The following SPIRE1 variants were observed in gnomAD, a reference collection of about 807,000 sequenced individuals.
SPIRE1 encodes protein spire homolog 1.
A neutral mutation model predicts 94.1 loss-of-function variants in SPIRE1; 40 were observed. The ratio of observed to expected loss-of-function variants is 0.43; its 90% CI spans 0.33 to 0.55. The LOEUF (loss-of-function observed/expected upper bound fraction) is 0.55, where lower values mean the gene tolerates loss of function less well. Ranked by LOEUF, SPIRE1 falls within the 20% of genes least tolerant of loss-of-function variation. The pLI is 0.06. For missense variants in SPIRE1, 838 were observed against 975.2 expected (o/e 0.86, Z 1.87); for synonymous variants, 376 against 371.7 (o/e 1.01, Z -0.13).
chr18:12,510,350 G>A lies in SPIRE1; in HGVS notation c.807+2104C>T, dbSNP rs1020649471. ...TATATGTCAAAATTTATCAAGTTAT[G>A]CATTTTAAATATGTGCAGCTTATTG... On this transcript the variant is annotated intron_variant, in intron 5 of 16. Coordinates refer to ENST00000409402, the MANE Select transcript of SPIRE1 (RefSeq NM_001128626.2). 2.6e-5 allele frequency among the ~76,000 whole-genome samples: 4 copies of A among 151,946 alleles called. No homozygotes were observed. The East Asian group carries it at 5.8e-4, about 22-fold the overall frequency.
chr18:12,469,574 T>C (rs1196503587), intron 10 of SPIRE1, among the ~76,000 whole-genome samples: 2 of 145,668 alleles, frequency 1.4e-5, no homozygotes, highest in Admixed American at 7.0e-5. Context: ...AAATTATATA[T>C]ATTATATATA....
rs567665466 is a variant in SPIRE1, at chr18:12,625,377, G to C, written c.372+9685C>G. Among the ~76,000 whole-genome samples, 30 of 152,274 alleles carry C rather than the reference G, an allele frequency of 2.0e-4. No homozygotes were observed. The East Asian group carries it at 5.4e-3, about 27-fold the overall frequency. The stretch of plus-strand genomic sequence containing the variant: ...ACATTCCTCTTAGCCTGCTGACCAA[G>C]GAGAAAATGCTGTTGTTACCAGCAG... On this transcript the variant is annotated intron_variant, in intron 2 of 16. Coordinates refer to ENST00000409402, the MANE Select transcript of SPIRE1 (RefSeq NM_001128626.2).
intron 1 of SPIRE1, among the ~76,000 whole-genome samples, chr18:12,636,581 T>C (rs187114018): frequency 1.3e-5 from 2 of 152,084 alleles, no homozygotes; most frequent in East Asian, 3.9e-4. Context: ...TTAATGATCC[T>C]AATGAGAAAC....
intron 1 of SPIRE1, among the ~76,000 whole-genome samples, chr18:12,646,564 G>A (rs1229024340): frequency 6.6e-6 from 1 of 152,066 alleles, no homozygotes; most frequent in Admixed American, 6.6e-5. Context: ...CCTGGGACCA[G>A]GCAACCTATA....
chr18:12,531,829 A>G (rs56152190), intron 4 of SPIRE1, among the ~76,000 whole-genome samples: 12,521 of 152,238 alleles, frequency 0.082, 761 homozygotes, highest in Non-Finnish European at 0.12. Context: ...ATATAATTTC[A>G]TTTTCTCCAA....
At chr18:12,658,116 G>GCCCCC (rs2038612885), upstream of SPIRE1, 2 of 958,268 alleles carry the variant, frequency 2.1e-6, no homozygotes, top group African/African-American at 3.6e-5. Flanking sequence ...CCGGCGCCCC[G>GCCCCC]CCCCGCCCCG....
intron 1 of SPIRE1, among the ~76,000 whole-genome samples, chr18:12,652,653 G>GT (rs1270536058): frequency 6.6e-6 from 1 of 152,004 alleles, no homozygotes; most frequent in East Asian, 1.9e-4. Context: ...TTGGCTCTAA[G>GT]TTTTACCTGA....
At chr18:12,455,086 C>A (rs200216070) in intron 12 of SPIRE1, among the ~76,000 whole-genome samples, 1 of 152,066 alleles carries the variant, frequency 6.6e-6, no homozygotes, top group African/African-American at 2.4e-5. Context: ...CAGGTGCATG[C>A]CACCATGCCC....
chr18:12,620,144 T>G (rs1423701341), intron 2 of SPIRE1, among the ~76,000 whole-genome samples: 3 of 151,924 alleles, frequency 2.0e-5, no homozygotes, highest in Non-Finnish European at 4.4e-5. Context: ...AAACCTGTTC[T>G]CAAAAAAAGG....
chr18:12,531,788 G>T (rs2034689813), intron 4 of SPIRE1, among the ~76,000 whole-genome samples: 1 of 151,972 alleles, frequency 6.6e-6, no homozygotes, highest in Non-Finnish European at 1.5e-5. Context: ...AAATTACCTG[G>T]ACCACAATAG....
intron 2 of SPIRE1, among the ~76,000 whole-genome samples, chr18:12,568,401 A>C (rs2035871197): frequency 6.6e-6 from 1 of 152,108 alleles, no homozygotes; most frequent in Non-Finnish European, 1.5e-5. Context: ...GCCACTGTTC[A>C]GTATCATTCC....
intron 4 of SPIRE1, among the ~76,000 whole-genome samples, chr18:12,519,276 G>A (rs1388143096): frequency 6.6e-6 from 1 of 152,024 alleles, no homozygotes; most frequent in South Asian, 2.1e-4. Flanking sequence ...TTCATTTCTA[G>A]GTTCTAGGAA....
intron 2 of SPIRE1, among the ~76,000 whole-genome samples, chr18:12,634,751 A>G (rs1199081555): frequency 6.6e-6 from 1 of 152,078 alleles, no homozygotes; most frequent in African/African-American, 2.4e-5. Flanking sequence ...CCTGGCCAAC[A>G]TGGTGAAACC....
chr18:12,589,105 T>C (rs1160742054), intron 2 of SPIRE1, among the ~76,000 whole-genome samples: 4 of 152,230 alleles, frequency 2.6e-5, no homozygotes, highest in African/African-American at 4.8e-5. Flanking sequence ...CAAGGTCCTA[T>C]GCACATATTA....
intron 6 of SPIRE1, among the ~76,000 whole-genome samples, chr18:12,500,529 C>T (rs1331523756): frequency 6.6e-6 from 1 of 152,088 alleles, no homozygotes; most frequent in Non-Finnish European, 1.5e-5. Flanking sequence ...TTAATTGGTG[C>T]AATTGCTGTG....
chr18:12,494,826 G>A (rs1357367863), intron 7 of SPIRE1, among the ~76,000 whole-genome samples: 3 of 106,602 alleles, frequency 2.8e-5, no homozygotes, highest in Non-Finnish European at 5.3e-5. Context: ...GCGACAGAGT[G>A]AGACTCCATC....
chr18:12,493,300 TGG>T, intron 7 of SPIRE1, 99 bp from the exon 8 acceptor site: 2 of 1,087,102 alleles, frequency 1.8e-6, no homozygotes, highest in Non-Finnish European at 2.6e-6. Flanking sequence ...TTTCATTGAC[TGG>T]AACACTGCTT....
At chr18:12,613,670 T>TGGGA (rs2037206255) in intron 2 of SPIRE1, among the ~76,000 whole-genome samples, 1 of 151,854 alleles carries the variant, frequency 6.6e-6, no homozygotes, top group African/African-American at 2.4e-5. Context: ...AAGGCCAAGG[T>TGGGA]GGGAGGATCA....
At chr18:12,515,325 G>C in intron 4 of SPIRE1, among the ~76,000 whole-genome samples, 1 of 151,886 alleles carries the variant, frequency 6.6e-6, no homozygotes, top group East Asian at 1.9e-4. Flanking sequence ...GACCAACCTG[G>C]GCAACACAGT....
Sources: allele counts gnomAD v4.1 joint callset (sites outside exome capture counted in the v4.1 genomes callset), GRCh38; gene constraint gnomAD v4.1.1; transcripts MANE v1.5; gene names NCBI Gene and HGNC (gene_info 2026-07-23, HGNC 2026-07-21).